Variants in MACROD2 observed in about 807,000 individuals in gnomAD.
The protein encoded by MACROD2 is mono-ADP ribosylhydrolase 2.
MACROD2 carries 36 observed loss-of-function variants against 70.4 expected under a neutral mutation model. The ratio of observed to expected loss-of-function variants is 0.51; its 90% CI spans 0.39 to 0.68. MACROD2 has a LOEUF of 0.68. MACROD2 is among the 30% of genes least tolerant of loss of function. The probability of loss-of-function intolerance (pLI) is 0.00; values close to 1 mark genes in which losing one functional copy is unlikely to be tolerated. For synonymous variants in MACROD2, 172 were observed against 178.8 expected (o/e 0.96, Z 0.30); for missense variants, 496 against 538.4 (o/e 0.92, Z 0.78).
intron 8 of MACROD2, among the ~76,000 whole-genome samples, chr20:15,773,638 T>A (rs897484355): frequency 2.0e-5 from 3 of 152,190 alleles, no homozygotes; most frequent in African/African-American, 7.2e-5. Flanking sequence ...AGCATTTCAG[T>A]CACAGGTTGA....
At chr20:15,936,388 G>A (rs1329233850) in intron 11 of MACROD2, among the ~76,000 whole-genome samples, 1 of 145,874 alleles carries the variant, frequency 6.9e-6, no homozygotes, top group Non-Finnish European at 1.5e-5. Flanking sequence ...TAAGTATATA[G>A]CTATACATAT....
chr20:14,585,070 A>AAGG (rs1197888648), intron 4 of MACROD2, among the ~76,000 whole-genome samples: 3 of 152,148 alleles, frequency 2.0e-5, no homozygotes, highest in Non-Finnish European at 1.5e-5. Flanking sequence ...AATTACAGCT[A>AAGG]AGGATCATAG....
intron 12 of MACROD2, among the ~76,000 whole-genome samples, chr20:15,955,805 T>C (rs1358898360): frequency 6.6e-6 from 1 of 152,136 alleles, no homozygotes; most frequent in Admixed American, 6.6e-5. Flanking sequence ...GTAGTCAACA[T>C]AAAAATTATT....
At chr20:15,396,653 T>C (rs2045864111) in intron 6 of MACROD2, among the ~76,000 whole-genome samples, 1 of 152,244 alleles carries the variant, frequency 6.6e-6, no homozygotes, top group Non-Finnish European at 1.5e-5. Context: ...TTTTTTATTT[T>C]ATTTTATTTG....
intron 7 of MACROD2, among the ~76,000 whole-genome samples, chr20:15,452,117 T>A (rs1762970800): frequency 6.6e-6 from 1 of 152,160 alleles, no homozygotes; most frequent in Non-Finnish European, 1.5e-5. Context: ...GCCCTTTCCA[T>A]CCACTGTTTA....
intron 7 of MACROD2, among the ~76,000 whole-genome samples, chr20:15,452,274 A>C (rs1374943969): frequency 6.6e-6 from 1 of 152,140 alleles, no homozygotes; most frequent in Non-Finnish European, 1.5e-5. Flanking sequence ...CCTCACTCTT[A>C]TTTTAGGCAT....
intron 8 of MACROD2, among the ~76,000 whole-genome samples, chr20:15,591,269 G>C (rs1269327887): frequency 6.6e-6 from 1 of 152,174 alleles, no homozygotes; most frequent in Non-Finnish European, 1.5e-5. Context: ...TGAGTCTTGG[G>C]TTCTCCCATT....
chr20:14,116,498 A>G (rs1601241174), intron 3 of MACROD2, among the ~76,000 whole-genome samples: 1 of 152,292 alleles, frequency 6.6e-6, no homozygotes, highest in Admixed American at 6.5e-5. Flanking sequence ...TGTACTTTGT[A>G]TCAGTGGGGC....
intron 3 of MACROD2, among the ~76,000 whole-genome samples, chr20:14,121,138 T>G (rs1255166131): frequency 1.3e-5 from 2 of 152,138 alleles, no homozygotes; most frequent in Non-Finnish European, 2.9e-5. Flanking sequence ...ATTGGAAGCA[T>G]GGAAATGAGA....
intron 2 of MACROD2, among the ~76,000 whole-genome samples, chr20:14,028,335 C>T (rs1230825843): frequency 2.0e-5 from 3 of 152,174 alleles, no homozygotes; most frequent in African/African-American, 7.2e-5. Flanking sequence ...AATTACAAGC[C>T]AGTGGATCTT....
chr20:14,516,280 T>C (rs2085098886), intron 4 of MACROD2, among the ~76,000 whole-genome samples: 1 of 152,112 alleles, frequency 6.6e-6, no homozygotes. Context: ...ATAATTTCTT[T>C]TGCTGTGCAG....
intron 6 of MACROD2, among the ~76,000 whole-genome samples, chr20:15,286,482 A>C (rs2077492584): frequency 6.8e-6 from 1 of 147,656 alleles, no homozygotes; most frequent in South Asian, 2.2e-4. Flanking sequence ...ACAAAGACAG[A>C]GAGCCTGCCC....
chr20:14,487,232 G>T, intron 3 of MACROD2, among the ~76,000 whole-genome samples: 1 of 152,166 alleles, frequency 6.6e-6, no homozygotes, highest in Non-Finnish European at 1.5e-5. Context: ...CTGACCCTTG[G>T]CATGTGCCAG....
chr20:15,212,978 GC>G lies in MACROD2; in HGVS notation c.419-16959del, dbSNP rs2076777213. ...CCAGAACCTTTAGATGGTTTTGATC[GC>G]CCTCAAGTTTGAAAACTACTGACCA... is the stretch of plus-strand genomic sequence containing the variant. On this transcript the variant is annotated intron_variant, in intron 5 of 17. Transcript: ENST00000684519. 4.6e-5 allele frequency among the ~76,000 whole-genome samples: 7 copies of G among 152,232 alleles called. No homozygotes were observed. The South Asian group carries it at 1.5e-3, about 32-fold the overall frequency.
At chr20:15,048,264 G>A (rs1034732262) in intron 5 of MACROD2, among the ~76,000 whole-genome samples, 2 of 152,114 alleles carry the variant, frequency 1.3e-5, no homozygotes, top group Non-Finnish European at 2.9e-5. Context: ...CTGGGTGACA[G>A]AGCAAGACTC....
intron 3 of MACROD2, among the ~76,000 whole-genome samples, chr20:14,481,757 C>A (rs2123073119): frequency 6.6e-6 from 1 of 152,300 alleles, no homozygotes; most frequent in Admixed American, 6.5e-5. Context: ...AGCCCATGAC[C>A]TTGGGCAAAT....
At chr20:14,003,794 G>A in intron 2 of MACROD2, 3 of 388,436 alleles carry the variant, frequency 7.7e-6, no homozygotes, top group South Asian at 2.0e-5. Flanking sequence ...AAAAAAAAAG[G>A]TCTGGTTAAG....
At chr20:15,438,258 T>G (rs2046452718) in intron 7 of MACROD2, among the ~76,000 whole-genome samples, 1 of 152,178 alleles carries the variant, frequency 6.6e-6, no homozygotes, top group Admixed American at 6.5e-5. Flanking sequence ...GTCGCCATAC[T>G]ACTTTCCACA....
intron 15 of MACROD2, among the ~76,000 whole-genome samples, chr20:16,003,897 C>T (rs974879220): frequency 6.6e-6 from 1 of 152,186 alleles, no homozygotes; most frequent in African/African-American, 2.4e-5. Context: ...TCTCAAACAC[C>T]TGACCTCCTG....
Sources: allele counts gnomAD v4.1 joint callset (sites outside exome capture counted in the v4.1 genomes callset), GRCh38; gene constraint gnomAD v4.1.1; transcripts MANE v1.5; gene names NCBI Gene and HGNC (gene_info 2026-07-23, HGNC 2026-07-21).